Variants in EMID1 observed in about 807,000 individuals in gnomAD.
The protein encoded by EMID1 is EMI domain-containing protein 1.
Under a neutral mutation model 60.6 loss-of-function variants are expected in EMID1, and 40 were observed. That is an observed-to-expected ratio of 0.66 (90% CI 0.51 to 0.86). The LOEUF (loss-of-function observed/expected upper bound fraction) is 0.86. Ranked by LOEUF, EMID1 falls within the 40% of genes least tolerant of loss-of-function variation. The probability of loss-of-function intolerance (pLI) is 0.00; values close to 1 mark genes in which losing one functional copy is unlikely to be tolerated. For missense variants in EMID1, 585 were observed against 597.1 expected (o/e 0.98, Z 0.21); for synonymous variants, 242 against 231.0 (o/e 1.05, Z -0.43).
Position 29,205,954 on chromosome 22 carries a change from G to A in EMID1, c.-85G>A. The A allele has an allele frequency of 1.2e-6, 1 of 831,762 alleles. No homozygotes were observed. Among genetic ancestry groups the A allele is most frequent in the Non-Finnish European group, 1.5e-6 (1 of 670,852 alleles). 51.5% of individuals were successfully genotyped at this position (831,762 alleles called of 1,614,324 possible). The stretch of plus-strand genomic sequence containing the variant: ...AACCGGGCTCCGCGCGTCCGGGGCG[G>A]CTGGCGGCGCGGGCAGGCAGGCGGG... On this transcript the variant is annotated 5_prime_UTR_variant, in exon 1 of 15. Coordinates refer to ENST00000334018, the MANE Select transcript of EMID1 (RefSeq NM_133455.4).
chr22:29,254,485 C>A, intron 14 of EMID1, 198 bp downstream of exon 14: 1 of 579,186 alleles, frequency 1.7e-6, no homozygotes, highest in Non-Finnish European at 3.1e-6. Flanking sequence ...CAGGGGTGCC[C>A]TAGAAACCCG....
intron 3 of EMID1, among the ~76,000 whole-genome samples, chr22:29,221,249 G>C (rs2040287204): frequency 6.6e-6 from 1 of 151,536 alleles, no homozygotes; most frequent in South Asian, 2.1e-4. Context: ...GTTGAGGCTA[G>C]GGAGGAGCCC....
chr22:29,211,381 G>C lies in EMID1; in HGVS notation c.102-3545G>C, dbSNP rs539815571. ...CATGTATGGAGCTCTGTGTTTATGT[G>C]GATCTGTGTGTGCACACGGAGGCCC... is the stretch of plus-strand genomic sequence containing the variant. On this transcript the variant is annotated intron_variant, in intron 1 of 14. Transcript: ENST00000334018. Among the ~76,000 whole-genome samples, 18 of 152,284 alleles carry C rather than the reference G, an allele frequency of 1.2e-4. No individual in the cohort carries two copies. In the South Asian group the frequency reaches 3.5e-3, roughly 30 times the overall value.
intron 12 of EMID1, among the ~76,000 whole-genome samples, chr22:29,240,746 T>C (rs1310913914): frequency 6.6e-6 from 1 of 152,260 alleles, no homozygotes; most frequent in African/African-American, 2.4e-5. Context: ...GTTTCTTTGT[T>C]TGATCACCAG....
chr22:29,226,163 C>T (rs1359587071), intron 4 of EMID1, among the ~76,000 whole-genome samples: 2 of 152,224 alleles, frequency 1.3e-5, no homozygotes, highest in Non-Finnish European at 2.9e-5. Context: ...AGTCCTCAGC[C>T]TCATCCATGG....
chr22:29,235,937 G>A (rs575714492), intron 12 of EMID1, among the ~76,000 whole-genome samples: 3 of 151,980 alleles, frequency 2.0e-5, no homozygotes, highest in Non-Finnish European at 4.4e-5. Flanking sequence ...CCACAGGCAT[G>A]TACCACCATG....
intron 13 of EMID1, among the ~76,000 whole-genome samples, chr22:29,250,974 A>G (rs1296323673): frequency 6.6e-6 from 1 of 151,130 alleles, no homozygotes; most frequent in Non-Finnish European, 1.5e-5. Context: ...CTGGAGTGCT[A>G]TGGCATGATC....
At chr22:29,224,541 G>T (rs752959875) in intron 3 of EMID1, among the ~76,000 whole-genome samples, 1 of 152,236 alleles carries the variant, frequency 6.6e-6, no homozygotes, top group East Asian at 1.9e-4. Flanking sequence ...CAGGCAGCCA[G>T]CCTCCCTCTG....
At chr22:29,251,069 C>T (rs1164809046) in intron 13 of EMID1, among the ~76,000 whole-genome samples, 1 of 151,854 alleles carries the variant, frequency 6.6e-6, no homozygotes, top group Non-Finnish European at 1.5e-5. Flanking sequence ...AGGTACACAC[C>T]ACCACGCCTG....
At chr22:29,209,067 G>A (rs1488650192) in intron 1 of EMID1, among the ~76,000 whole-genome samples, 1 of 152,128 alleles carries the variant, frequency 6.6e-6, no homozygotes, top group Admixed American at 6.5e-5. Context: ...CTGCCCGCCC[G>A]GTCCTTTCTT....
intron 14 of EMID1, chr22:29,254,840 CAGA>C: frequency 6.0e-6 from 1 of 166,758 alleles, no homozygotes. Context: ...CTGTGGGTGA[CAGA>C]GCTAGGCTCA....
chr22:29,231,487 GT>G (rs1601969478), intron 6 of EMID1, 105 bp from the exon 7 acceptor site: 1 of 1,210,216 alleles, frequency 8.3e-7, no homozygotes, highest in East Asian at 2.5e-5. Flanking sequence ...GAGTGTGAGG[GT>G]CCCGCTGCTT....
At chr22:29,255,233 C>T in intron 14 of EMID1, 2 of 1,286,792 alleles carry the variant, frequency 1.6e-6, no homozygotes, top group Non-Finnish European at 2.0e-6. Flanking sequence ...CCTCGGAGGC[C>T]AGACTCGCAC....
chr22:29,251,714 G>C (rs1299445808), intron 13 of EMID1, among the ~76,000 whole-genome samples: 1 of 152,022 alleles, frequency 6.6e-6, no homozygotes, highest in Non-Finnish European at 1.5e-5. Flanking sequence ...ACCCAGGCTG[G>C]AGTACAGTGG....
chr22:29,223,924 A>G (rs922481973), intron 3 of EMID1, among the ~76,000 whole-genome samples: 32 of 152,222 alleles, frequency 2.1e-4, no homozygotes, highest in Non-Finnish European at 3.8e-4. Context: ...TGTAGGATTG[A>G]GCCAGGCTAT....
rs574923112 is a variant in EMID1 at position 29,234,381 on chromosome 22, C to T, written c.1074+32C>T. On this transcript the variant is annotated intron_variant, in intron 12 of 14. Transcript: ENST00000334018. Reference sequence around the variant, plus strand: ...GTTGCTGTCTGTCCCGCATTCATCCCTGCAGGATCCCTTAGTCCCAGATTC... The same window carrying T: ...GTTGCTGTCTGTCCCGCATTCATCCTTGCAGGATCCCTTAGTCCCAGATTC... 68 of 1,608,474 alleles carry T rather than the reference C, an allele frequency of 4.2e-5. 1 individual carries two copies. In the South Asian group the frequency reaches 7.0e-4, roughly 17 times the overall value.
At chr22:29,218,171 C>T (rs898957367) in intron 3 of EMID1, among the ~76,000 whole-genome samples, 1 of 152,228 alleles carries the variant, frequency 6.6e-6, no homozygotes, top group Non-Finnish European at 1.5e-5. Flanking sequence ...GCTCCCCCAC[C>T]GCCTACCCCA....
chr22:29,224,445 A>G (rs2040421575), intron 3 of EMID1, among the ~76,000 whole-genome samples: 1 of 152,176 alleles, frequency 6.6e-6, no homozygotes, highest in African/African-American at 2.4e-5. Flanking sequence ...CAGACCAGCC[A>G]GGGCGGCTGG....
chr22:29,242,175 T>C (rs1024985226), intron 12 of EMID1, among the ~76,000 whole-genome samples: 1 of 152,078 alleles, frequency 6.6e-6, no homozygotes, highest in Non-Finnish European at 1.5e-5. Flanking sequence ...CCACCTTGGC[T>C]AGGGAGCTAT....
Sources: allele counts gnomAD v4.1 joint callset (sites outside exome capture counted in the v4.1 genomes callset), GRCh38; gene constraint gnomAD v4.1.1; transcripts MANE v1.5; gene names NCBI Gene and HGNC (gene_info 2026-07-23, HGNC 2026-07-21).